Variants in SLC15A5 observed in about 807,000 individuals in gnomAD.
The protein encoded by SLC15A5 is Peptide/histidine transporter ENSP00000340402.
SLC15A5 carries 58 observed loss-of-function variants against 56.1 expected under a neutral mutation model. The observed-to-expected ratio is 1.03, with a 90% confidence interval of 0.84 to 1.29. The LOEUF is 1.29. Among genes scored for constraint, SLC15A5 ranks in the 50% most tolerant of loss-of-function variants. The pLI is 0.00. For missense variants in SLC15A5, 681 were observed against 672.1 expected, an observed-to-expected ratio of 1.01 and a Z score of -0.15; for synonymous variants, 264 against 250.5, an observed-to-expected ratio of 1.05 and a Z score of -0.51.
chr12:16,205,590 TACATATACAC>T (rs1864010168), intron 7 of SLC15A5, among the ~76,000 whole-genome samples: 5 of 57,150 alleles, frequency 8.7e-5, no homozygotes, highest in East Asian at 4.7e-4. Flanking sequence ...CATATATATA[TACATATACAC>T]ACACACACAC....
intron 7 of SLC15A5, among the ~76,000 whole-genome samples, chr12:16,214,932 C>T (rs965694130): frequency 2.6e-5 from 4 of 151,752 alleles, no homozygotes; most frequent in South Asian, 2.1e-4. Context: ...TGGCTGGGTG[C>T]GGTGGCTCAC....
chr12:16,234,983 A>G (rs1444465657), intron 5 of SLC15A5, among the ~76,000 whole-genome samples: 1 of 152,020 alleles, frequency 6.6e-6, no homozygotes, highest in East Asian at 1.9e-4. Flanking sequence ...AATTCTATGG[A>G]GTCCTTGAGA....
chr12:16,256,865 A>T (rs56057575), intron 3 of SLC15A5, among the ~76,000 whole-genome samples: 67,117 of 147,862 alleles, frequency 0.45, 15,513 homozygotes, highest in South Asian at 0.61. Context: ...TCTCAAAAAA[A>T]AAAAATAATA....
At chr12:16,240,678 C>T (rs763856896) in intron 4 of SLC15A5, among the ~76,000 whole-genome samples, 94 of 152,238 alleles carry the variant, frequency 6.2e-4, no homozygotes, top group Non-Finnish European at 8.8e-4. Context: ...TTTGGAGCCT[C>T]TTAGTGTATT....
intron 7 of SLC15A5, among the ~76,000 whole-genome samples, chr12:16,209,567 C>G (rs557100310): frequency 6.6e-6 from 1 of 152,204 alleles, no homozygotes; most frequent in African/African-American, 2.4e-5. Context: ...TGTTAAAAAG[C>G]AAATGGATGG....
At position 16,193,780 on chromosome 12, in the gene SLC15A5, G is replaced by GGAGCGAGAGAGAGAGAGAGA. The variant is rs763515940; in HGVS notation, c.1592+564_1592+565insTCTCTCTCTCTCTCTCGCTC. Among the ~76,000 whole-genome samples, 9 of 75,692 alleles carry GGAGCGAGAGAGAGAGAGAGA rather than the reference G, an allele frequency of 1.2e-4. 2 individuals are homozygous for GGAGCGAGAGAGAGAGAGAGA. Among genetic ancestry groups the GGAGCGAGAGAGAGAGAGAGA allele is most frequent in the Admixed American group, 2.8e-4 (2 of 7,020 alleles). The allele number at this position is 75,692 out of a possible 152,430, so 49.7% of individuals were successfully genotyped here. A position where few individuals can be genotyped will look rare whatever the true frequency, so the allele number is the denominator to read the frequency against. ...ACAGCTGTCCAAGAATATGTCAAGGGGAGAGAGAGAGAGAGAGAGAGAGAG... is the reference window on the plus strand; with the variant it reads ...ACAGCTGTCCAAGAATATGTCAAGGGGAGCGAGAGAGAGAGAGAGAGAGAGAGAGAGAGAGAGAGAGAGAG... On this transcript the variant is annotated intron_variant, in intron 8 of 8. Transcript: ENST00000344941.
At chr12:16,255,517 C>T (rs1565671849) in intron 3 of SLC15A5, among the ~76,000 whole-genome samples, 1 of 151,914 alleles carries the variant, frequency 6.6e-6, no homozygotes, top group Non-Finnish European at 1.5e-5. Flanking sequence ...GTGCCACAAC[C>T]ACTATAGAAA....
chr12:16,209,362 T>C (rs1565658698), intron 7 of SLC15A5, among the ~76,000 whole-genome samples: 1 of 152,146 alleles, frequency 6.6e-6, no homozygotes, highest in Non-Finnish European at 1.5e-5. Flanking sequence ...CTAGTTCCTT[T>C]CCATCCAACC....
intron 2 of SLC15A5, among the ~76,000 whole-genome samples, chr12:16,267,089 T>A (rs1439995317): frequency 6.6e-6 from 1 of 152,228 alleles, no homozygotes; most frequent in Non-Finnish European, 1.5e-5. Flanking sequence ...TGTTTACTTT[T>A]GGTGATTTGA....
At chr12:16,194,568 A>T in intron 7 of SLC15A5, 115 bp from the exon 8 acceptor site, 2 of 607,348 alleles carry the variant, frequency 3.3e-6, no homozygotes, top group South Asian at 6.7e-5. Context: ...CACAAAGCAA[A>T]AAAGCTCATC....
chr12:16,232,997 G>A (rs1864313152), intron 5 of SLC15A5, among the ~76,000 whole-genome samples: 1 of 148,418 alleles, frequency 6.7e-6, no homozygotes, highest in African/African-American at 2.5e-5. Context: ...AGGGAGGGAG[G>A]GAAGGAAGGA....
At chr12:16,270,409 A>G (rs987921449) in intron 2 of SLC15A5, among the ~76,000 whole-genome samples, 2 of 152,140 alleles carry the variant, frequency 1.3e-5, no homozygotes, top group Non-Finnish European at 2.9e-5. Flanking sequence ...CCAGTCTTGT[A>G]ATTTCTAGAG....
In SLC15A5 at chr12:16,237,378, A is replaced by C. The variant is rs950202673; in HGVS notation, c.1162+2303T>G. Among the ~76,000 whole-genome samples the C allele has an allele frequency of 6.6e-6, 1 of 152,228 alleles. No homozygotes were observed. Among genetic ancestry groups the C allele is most frequent in the African/African-American group, 2.4e-5 (1 of 41,456 alleles). On this transcript the variant is annotated intron_variant, in intron 5 of 8. Transcript: ENST00000344941. The surrounding 1 kb of genome is among the most constrained non-coding windows in gnomAD (Gnocchi z 4.1). ...TCAATGAATGAATGGAGTGGGGTTC[A>C]GAAACAACTGAAATCAGTATTCTGT...
intron 2 of SLC15A5, among the ~76,000 whole-genome samples, chr12:16,268,987 A>G (rs923435847): frequency 1.3e-5 from 2 of 152,074 alleles, no homozygotes; most frequent in South Asian, 2.1e-4. Flanking sequence ...GTTCCTTTAT[A>G]AAAGAGACCT....
chr12:16,201,668 C>T (rs899556070), intron 7 of SLC15A5, among the ~76,000 whole-genome samples: 8 of 152,102 alleles, frequency 5.3e-5, no homozygotes, highest in African/African-American at 1.4e-4. Flanking sequence ...CCCCTTCACT[C>T]AGTATTCTCC....
chr12:16,192,121 G>T (rs866719715), intron 8 of SLC15A5, among the ~76,000 whole-genome samples: 1 of 152,040 alleles, frequency 6.6e-6, no homozygotes, highest in Admixed American at 6.6e-5. Context: ...TTAGTTTTTT[G>T]ATTTATAATG....
chr12:16,198,235 A>G (rs1863915313), intron 7 of SLC15A5, among the ~76,000 whole-genome samples: 2 of 152,156 alleles, frequency 1.3e-5, no homozygotes. Context: ...GTTCATTTGA[A>G]AGTCATTTTT....
At chr12:16,192,965 G>C (rs1237984008) in intron 8 of SLC15A5, among the ~76,000 whole-genome samples, 7 of 152,100 alleles carry the variant, frequency 4.6e-5, no homozygotes, top group Non-Finnish European at 5.9e-5. Context: ...TGTAAATTGT[G>C]AAACTGGACT....
chr12:16,264,613 C>G (rs566803160), intron 2 of SLC15A5, among the ~76,000 whole-genome samples: 1 of 152,252 alleles, frequency 6.6e-6, no homozygotes, highest in African/African-American at 2.4e-5. Flanking sequence ...TGTCCCCATC[C>G]AAATTTCATC....
Sources: allele counts gnomAD v4.1 joint callset (sites outside exome capture counted in the v4.1 genomes callset), GRCh38; gene constraint gnomAD v4.1.1; non-coding constraint Gnocchi (gnomAD v3.1); transcripts MANE v1.5; gene names NCBI Gene and HGNC (gene_info 2026-07-23, HGNC 2026-07-21).